The following ZNF804B variants were observed in gnomAD, a reference collection of about 807,000 sequenced individuals.
ZNF804B encodes zinc finger 804B.
In ZNF804B, 80 loss-of-function variants were observed where a neutral mutation model predicts 101.4. That is an observed-to-expected ratio of 0.79 (90% CI 0.66 to 0.95). ZNF804B has a LOEUF of 0.95. ZNF804B is among the 40% of genes least tolerant of loss of function. The pLI is 0.00. For synonymous variants in ZNF804B, 622 were observed against 558.8 expected, an observed-to-expected ratio of 1.11 and a Z score of -1.59; for missense variants, 1,673 against 1,561.9, an observed-to-expected ratio of 1.07 and a Z score of -1.20.
At chr7:88,934,154 TA>T (rs1792932770) in intron 1 of ZNF804B, among the ~76,000 whole-genome samples, 2 of 151,682 alleles carry the variant, frequency 1.3e-5, no homozygotes, top group African/African-American at 2.4e-5. Context: ...TACAAAAACA[TA>T]AATTGGGGAA....
chr7:88,835,270 A>G (rs889329452), intron 1 of ZNF804B, among the ~76,000 whole-genome samples: 1 of 151,782 alleles, frequency 6.6e-6, no homozygotes, highest in Non-Finnish European at 1.5e-5. Flanking sequence ...GAAGCTGGCA[A>G]TAGAAGTAGC....
At chr7:88,852,384 T>G (rs1791460690) in intron 1 of ZNF804B, among the ~76,000 whole-genome samples, 2 of 152,114 alleles carry the variant, frequency 1.3e-5, no homozygotes, top group Non-Finnish European at 1.5e-5. Flanking sequence ...TTTTTTTACC[T>G]AGACTGATTA....
chr7:88,831,844 G>C (rs1446963372), intron 1 of ZNF804B, among the ~76,000 whole-genome samples: 1 of 151,638 alleles, frequency 6.6e-6, no homozygotes. Flanking sequence ...ATATTCACAA[G>C]TTTTGTCAAA....
intron 1 of ZNF804B, among the ~76,000 whole-genome samples, chr7:89,198,218 T>C (rs1421501273): frequency 6.6e-6 from 1 of 151,904 alleles, no homozygotes. Context: ...CTCACACATA[T>C]GGAGTCATAT....
intron 1 of ZNF804B, among the ~76,000 whole-genome samples, chr7:89,016,307 A>G (rs1357638852): frequency 6.6e-6 from 1 of 151,972 alleles, no homozygotes; most frequent in African/African-American, 2.4e-5. Context: ...CTCTGCTGGT[A>G]GTTTCTTTTG....
intron 1 of ZNF804B, among the ~76,000 whole-genome samples, chr7:89,178,247 T>C (rs1788235919): frequency 6.6e-6 from 1 of 151,954 alleles, no homozygotes; most frequent in African/African-American, 2.4e-5. Context: ...TTTGATTGGG[T>C]AGTTTCATCC....
intron 1 of ZNF804B, among the ~76,000 whole-genome samples, chr7:89,095,773 T>C (rs1789963561): frequency 6.6e-6 from 1 of 152,194 alleles, no homozygotes; most frequent in Admixed American, 6.5e-5. Context: ...GTTTTTAAAC[T>C]CTTTAAAAAT....
rs1371797733 is a variant in ZNF804B at position 89,334,339 on chromosome 7, A to G, written c.1357A>G (p.Thr453Ala). ...FLHVQSKDGH[T>A]TLQWPTELLL... is the part of the protein sequence containing the mutation. ...CCACGTTCAAAGCAAGGATGGCCAC[A>G]CCACTCTTCAATGGCCTACGGAACT... Residue 453 changes from threonine to alanine, a missense_variant, in exon 4 of 4, where the codon ACC becomes GCC. By Grantham distance (58) the Thr-to-Ala change is moderately conservative (BLOSUM62 0). Transcript: ENST00000333190. The G allele has an allele frequency of 1.9e-6, 3 of 1,613,724 alleles. No individual in the cohort carries two copies. The highest frequency in any genetic ancestry group is 1.3e-5 in the African/African-American group (1 of 74,902).
rs182583764 is a variant in ZNF804B at position 88,971,990 on chromosome 7, G to A, written c.108+211906G>A. The stretch of plus-strand genomic sequence containing the variant: ...ATCTAGAGCTGCAGGTTTTTCTAAA[G>A]GAGATCAAATTTGACATAGTGATAT... On this transcript the variant is annotated intron_variant, in intron 1 of 3. Transcript: ENST00000333190. 3.6e-4 allele frequency among the ~76,000 whole-genome samples: 55 copies of A among 151,364 alleles called. 1 individual carries two copies. Among genetic ancestry groups the A allele is most frequent in the African/African-American group, 1.3e-3 (53 of 41,396 alleles).
chr7:88,878,837 CT>C (rs1260198547), intron 1 of ZNF804B, among the ~76,000 whole-genome samples: 1 of 152,076 alleles, frequency 6.6e-6, no homozygotes, highest in African/African-American at 2.4e-5. Flanking sequence ...AATTTAGTGA[CT>C]TTTCCAATTA....
intron 1 of ZNF804B, among the ~76,000 whole-genome samples, chr7:88,955,676 G>T (rs1793294618): frequency 6.6e-6 from 1 of 151,528 alleles, no homozygotes; most frequent in South Asian, 2.1e-4. Flanking sequence ...AACAGTCCAG[G>T]ACATTGGTCT....
intron 1 of ZNF804B, among the ~76,000 whole-genome samples, chr7:88,802,731 A>AT (rs1296276062): frequency 1.3e-5 from 2 of 151,780 alleles, no homozygotes; most frequent in East Asian, 1.9e-4. Context: ...AAAAAAAAAA[A>AT]GGGAAAGAAT....
intron 1 of ZNF804B, among the ~76,000 whole-genome samples, chr7:88,861,431 A>G (rs1480906210): frequency 1.3e-5 from 2 of 152,222 alleles, no homozygotes; most frequent in Non-Finnish European, 2.9e-5. Context: ...GGAAGGATCC[A>G]GTGGCTGGAA....
At chr7:89,112,405 C>T (rs1790232713) in intron 1 of ZNF804B, among the ~76,000 whole-genome samples, 1 of 152,068 alleles carries the variant, frequency 6.6e-6, no homozygotes, top group Non-Finnish European at 1.5e-5. Flanking sequence ...TCCTTTGCTC[C>T]TTTGTCAAAA....
intron 1 of ZNF804B, among the ~76,000 whole-genome samples, chr7:88,942,014 G>A (rs1220302409): frequency 6.6e-6 from 1 of 151,886 alleles, no homozygotes; most frequent in Non-Finnish European, 1.5e-5. Flanking sequence ...GTGCCTAGAT[G>A]AAGGAAGCTC....
intron 1 of ZNF804B, among the ~76,000 whole-genome samples, chr7:89,198,261 C>A (rs1788584454): frequency 6.6e-6 from 1 of 151,648 alleles, no homozygotes. Context: ...ATTAAACAGG[C>A]AAAATAATTG....
At chr7:89,305,758 C>G (rs1043290376) in intron 2 of ZNF804B, among the ~76,000 whole-genome samples, 9 of 151,608 alleles carry the variant, frequency 5.9e-5, no homozygotes, top group Admixed American at 2.6e-4. Flanking sequence ...CCCTATACTT[C>G]TGGTATTAAT....
intron 1 of ZNF804B, among the ~76,000 whole-genome samples, chr7:89,091,494 C>T (rs753661148): frequency 2.0e-5 from 3 of 151,380 alleles, no homozygotes; most frequent in Non-Finnish European, 4.4e-5. Context: ...CGGTAAAAGT[C>T]GAAAGTAGAT....
At chr7:89,068,131 T>C (rs1156992637) in intron 1 of ZNF804B, among the ~76,000 whole-genome samples, 1 of 146,056 alleles carries the variant, frequency 6.8e-6, no homozygotes, top group African/African-American at 2.5e-5. Flanking sequence ...GAGAGCATAC[T>C]AGATGCTTTT....
Sources: allele counts gnomAD v4.1 joint callset (sites outside exome capture counted in the v4.1 genomes callset), GRCh38; gene constraint gnomAD v4.1.1; transcripts MANE v1.5; gene names NCBI Gene and HGNC (gene_info 2026-07-23, HGNC 2026-07-21).